Variants in VPS13D observed in about 807,000 individuals in gnomAD.
The protein encoded by VPS13D is intermembrane lipid transfer protein VPS13D.
Under a neutral mutation model 461.9 loss-of-function variants are expected in VPS13D, and 187 were observed. The ratio of observed to expected loss-of-function variants is 0.40; its 90% confidence interval spans 0.36 to 0.46. The LOEUF is 0.46. Among genes scored for constraint, VPS13D ranks in the 20% least tolerant of loss-of-function variants. VPS13D has a pLI of 0.60. For missense variants in VPS13D, 4,711 were observed against 5,364.9 expected, an observed-to-expected ratio of 0.88 and a Z score of 3.81; for synonymous variants, 1,951 against 1,986.3, an observed-to-expected ratio of 0.98 and a Z score of 0.47.
At chr1:12,236,479 C>G (rs1307843931) in intron 2 of VPS13D, among the ~76,000 whole-genome samples, 1 of 152,106 alleles carries the variant, frequency 6.6e-6, no homozygotes, top group Admixed American at 6.5e-5. Flanking sequence ...CTTCTGTGCT[C>G]AAGCAGTCCT....
At chr1:12,382,845 C>T in intron 57 of VPS13D, 131 bp from the exon 58 acceptor site, 3 of 750,746 alleles carry the variant, frequency 4.0e-6, no homozygotes, top group Non-Finnish European at 6.5e-6. Flanking sequence ...ATAGTAAAGG[C>T]TTTGTTGCAC....
intron 65 of VPS13D, among the ~76,000 whole-genome samples, chr1:12,439,310 G>A (rs772649597): frequency 6.6e-6 from 1 of 151,904 alleles, no homozygotes; most frequent in African/African-American, 2.4e-5. Flanking sequence ...GCCTTCAAAC[G>A]TCCACTCCAA....
intron 24 of VPS13D, among the ~76,000 whole-genome samples, chr1:12,296,244 C>T (rs1162958147): frequency 1.3e-5 from 2 of 152,242 alleles, no homozygotes; most frequent in African/African-American, 4.8e-5. Context: ...AAAGCCAGAT[C>T]GTTTTCCAAA....
intron 5 of VPS13D, among the ~76,000 whole-genome samples, chr1:12,246,083 A>G (rs1485693329): frequency 6.6e-6 from 1 of 152,182 alleles, no homozygotes; most frequent in Non-Finnish European, 1.5e-5. Context: ...ACTTGTGTGG[A>G]GGTAGCTGGG....
chr1:12,390,291 C>CAT (rs894236176), intron 60 of VPS13D, among the ~76,000 whole-genome samples: 94 of 152,278 alleles, frequency 6.2e-4, no homozygotes, highest in African/African-American at 2.1e-3. Context: ...TCAGAGCATA[C>CAT]ATAGCCTTCT....
intron 65 of VPS13D, among the ~76,000 whole-genome samples, chr1:12,423,540 G>C (rs1644888449): frequency 6.6e-6 from 1 of 152,236 alleles, no homozygotes. Flanking sequence ...AGATAGTTCA[G>C]TAGAAAATCT....
intron 5 of VPS13D, among the ~76,000 whole-genome samples, chr1:12,246,229 C>T (rs1283923400): frequency 6.6e-6 from 1 of 152,198 alleles, no homozygotes; most frequent in Non-Finnish European, 1.5e-5. Context: ...AGGATTCTAT[C>T]CTCCCTCAGA....
At chr1:12,438,099 A>C (rs1645084254) in intron 65 of VPS13D, among the ~76,000 whole-genome samples, 1 of 152,222 alleles carries the variant, frequency 6.6e-6, no homozygotes, top group Non-Finnish European at 1.5e-5. Flanking sequence ...TCTGTAGCTC[A>C]TCACTTATGT....
chr1:12,416,623 G>A, intron 64 of VPS13D, 37 bp from the exon 65 acceptor site: 1 of 1,597,040 alleles, frequency 6.3e-7, no homozygotes, highest in Non-Finnish European at 8.5e-7. Flanking sequence ...ATAAGTAGAT[G>A]CTGATTGGAC....
chr1:12,247,991 C>G lies in VPS13D; in HGVS notation c.448-1232C>G, dbSNP rs534351766. Among the ~76,000 whole-genome samples the G allele has an allele frequency of 6.6e-5, 10 of 151,772 alleles. 1 individual carries two copies. Among genetic ancestry groups the G allele is most frequent in the African/African-American group, 2.4e-4 (10 of 41,338 alleles). On this transcript the variant is annotated intron_variant, in intron 5 of 69. Transcript: ENST00000620676. ...CAAACTCCGCCTCCCGGGTTCATGC[C>G]ATTCTCCTGCCTCAGCCTCCCAAGT...
intron 20 of VPS13D, among the ~76,000 whole-genome samples, chr1:12,280,976 C>T (rs1262136535): frequency 2.0e-5 from 3 of 151,608 alleles, no homozygotes; most frequent in Admixed American, 6.6e-5. Context: ...GAATGTAAGC[C>T]TATACAAAAG....
At chr1:12,352,466 A>G (rs1643817089) in intron 46 of VPS13D, among the ~76,000 whole-genome samples, 2 of 152,206 alleles carry the variant, frequency 1.3e-5, no homozygotes, top group Admixed American at 1.3e-4. Flanking sequence ...CCAATAGACA[A>G]ATGGAAAGAT....
rs199684287 is a variant in VPS13D at position 12,378,526 on chromosome 1, C to T, written c.11016C>T (p.Ala3672=). 18 of 1,611,858 alleles carry T rather than the reference C, an allele frequency of 1.1e-5. No homozygotes were observed. In the East Asian group the frequency reaches 1.1e-4, roughly 10 times the overall value. The change falls in exon 56 of 70, where the codon GCC becomes GCT. Residue 3672 remains alanine, a synonymous_variant. Transcript: ENST00000620676. The part of the protein sequence containing the change: ...SVPHNPNKPS[A]ARSTEGSAIL... ...CTCACAATCCCAATAAGCCCTCAGC[C>T]GCCCGCTCCACCGAGGGGTCTGCCA...
intron 65 of VPS13D, among the ~76,000 whole-genome samples, chr1:12,446,136 G>C (rs1159705747): frequency 6.6e-6 from 1 of 152,224 alleles, no homozygotes; most frequent in Non-Finnish European, 1.5e-5. Flanking sequence ...GCAAAGATCA[G>C]CTGGACATGG....
intron 24 of VPS13D, among the ~76,000 whole-genome samples, chr1:12,298,931 C>T (rs1279567409): frequency 3.3e-5 from 5 of 152,092 alleles, no homozygotes; most frequent in Non-Finnish European, 7.4e-5. Flanking sequence ...TCTTCCTTAT[C>T]ATTTTAGTGA....
chr1:12,416,144 C>T (rs969456315), intron 64 of VPS13D, among the ~76,000 whole-genome samples: 1 of 152,186 alleles, frequency 6.6e-6, no homozygotes, highest in Non-Finnish European at 1.5e-5. Context: ...GGTGATGCCA[C>T]CTCACCTCAG....
At chr1:12,493,990 G>A (rs775615867) in intron 67 of VPS13D, among the ~76,000 whole-genome samples, 24 of 152,072 alleles carry the variant, frequency 1.6e-4, no homozygotes, top group Non-Finnish European at 2.9e-4. Flanking sequence ...CTGCTTCTAG[G>A]AAGAGTATGC....
chr1:12,308,916 A>T (rs1034513959), intron 27 of VPS13D, among the ~76,000 whole-genome samples: 1 of 152,200 alleles, frequency 6.6e-6, no homozygotes, highest in Admixed American at 6.5e-5. Flanking sequence ...AAGTGCTGGG[A>T]TTACAGGCGT....
intron 13 of VPS13D, among the ~76,000 whole-genome samples, chr1:12,264,701 A>G (rs1049758863): frequency 2.6e-5 from 4 of 152,256 alleles, no homozygotes; most frequent in African/African-American, 9.6e-5. Context: ...GAAAGAAGCC[A>G]TCTCCATAAC....
Sources: gnomAD v4.1 joint callset for allele counts (sites outside exome capture counted in the v4.1 genomes callset) on GRCh38, gnomAD v4.1.1 for gene constraint, MANE v1.5 for transcripts, NCBI Gene and HGNC (gene_info 2026-07-23, HGNC 2026-07-21) for gene names.